The following MARCHF4 variants were observed in gnomAD, a reference collection of about 807,000 sequenced individuals.
MARCHF4 encodes the protein E3 ubiquitin-protein ligase MARCHF4.
Under a neutral mutation model 43.9 loss-of-function variants are expected in MARCHF4, and 14 were observed. The ratio of observed to expected loss-of-function variants is 0.32; its 90% CI spans 0.21 to 0.50. The LOEUF (loss-of-function observed/expected upper bound fraction) is 0.50, where lower values mean the gene tolerates loss of function less well. Among genes scored for constraint, MARCHF4 ranks in the 20% least tolerant of loss-of-function variants. The pLI is 0.98. For synonymous variants in MARCHF4, 226 were observed against 213.3 expected, an observed-to-expected ratio of 1.06 and a Z score of -0.52; for missense variants, 468 against 536.7, an observed-to-expected ratio of 0.87 and a Z score of 1.27.
chr2:216,326,850 T>A (rs1015058521), intron 1 of MARCHF4, among the ~76,000 whole-genome samples: 1 of 151,096 alleles, frequency 6.6e-6, no homozygotes, highest in Non-Finnish European at 1.5e-5. Context: ...TTGGGAGATA[T>A]ACCTAATGCT....
chr2:216,350,454 C>T (rs1692387810), intron 1 of MARCHF4, among the ~76,000 whole-genome samples: 1 of 151,626 alleles, frequency 6.6e-6, no homozygotes, highest in Non-Finnish European at 1.5e-5. Context: ...CTATGCCACA[C>T]TACCTTGCTT....
chr2:216,301,379 G>A (rs1443555743), intron 1 of MARCHF4, among the ~76,000 whole-genome samples: 2 of 152,150 alleles, frequency 1.3e-5, no homozygotes. Flanking sequence ...TCTCATCTCT[G>A]TGCTTCCCCC....
intron 1 of MARCHF4, among the ~76,000 whole-genome samples, chr2:216,314,037 T>C (rs887425410): frequency 6.6e-6 from 1 of 152,164 alleles, no homozygotes; most frequent in African/African-American, 2.4e-5. Flanking sequence ...CAGTGCCAGG[T>C]GAAAGGGGAT....
At chr2:216,337,897 G>A (rs1161284134) in intron 1 of MARCHF4, among the ~76,000 whole-genome samples, 4 of 152,172 alleles carry the variant, frequency 2.6e-5, no homozygotes. Flanking sequence ...GACACCAAAA[G>A]GAGGAAGACA....
In MARCHF4 at chr2:216,372,314, G is replaced by GGCCGCCGCTGCT. The variant is rs1476310856; in HGVS notation, c.-2066_-2055dup. Among the ~76,000 whole-genome samples the GGCCGCCGCTGCT allele has an allele frequency of 6.6e-6, 1 of 152,156 alleles. No individual in the cohort carries two copies. Among genetic ancestry groups the GGCCGCCGCTGCT allele is most frequent in the Non-Finnish European group, 1.5e-5 (1 of 68,032 alleles). ...CGGCTATCTCCGCCGCCGGCGCCGC[G>GGCCGCCGCTGCT]GCCGCCGCTGCTGCATTCAGCACCC... On this transcript the variant is annotated 5_prime_UTR_variant, in exon 1 of 4. Transcript: ENST00000273067.
Position 216,304,679 on chromosome 2 carries a change from T to C in MARCHF4, c.517-20950A>G, listed in dbSNP as rs148290113. ...TAAATCTCCATCAGTCAAGTCTGTC[T>C]GAGACCCTAGGGCAATGTAGAAAAC... On this transcript the variant is annotated intron_variant, in intron 1 of 3. Coordinates refer to ENST00000273067, the MANE Select transcript of MARCHF4 (RefSeq NM_020814.3). Among the ~76,000 whole-genome samples, 389 of 152,320 alleles carry C rather than the reference T, an allele frequency of 2.6e-3. 1 individual carries two copies. The highest frequency in any genetic ancestry group is 9.0e-3 in the African/African-American group (375 of 41,572).
intron 1 of MARCHF4, among the ~76,000 whole-genome samples, chr2:216,322,069 G>A (rs916268767): frequency 1.3e-5 from 2 of 152,194 alleles, no homozygotes; most frequent in Non-Finnish European, 2.9e-5. Context: ...CGCAAGCATT[G>A]TGCACAATGA....
At chr2:216,282,473 C>T (rs55891721) in intron 2 of MARCHF4, among the ~76,000 whole-genome samples, 26,860 of 151,946 alleles carry the variant, frequency 0.18, 4,891 homozygotes, top group African/African-American at 0.47. Flanking sequence ...GGACTCCCCC[C>T]TCCACCACCA....
At chr2:216,344,175 C>T (rs879485667) in intron 1 of MARCHF4, among the ~76,000 whole-genome samples, 3 of 152,112 alleles carry the variant, frequency 2.0e-5, no homozygotes, top group Non-Finnish European at 4.4e-5. Flanking sequence ...CCCAGCTTGG[C>T]AGTACAGAAA....
intron 2 of MARCHF4, 118 bp from the exon 3 acceptor site, chr2:216,277,982 T>C: frequency 1.1e-6 from 1 of 918,274 alleles, no homozygotes; most frequent in Admixed American, 2.9e-5. Flanking sequence ...GCCAGGGCTT[T>C]CCAACCTGTG....
At chr2:216,321,344 C>A (rs924983179) in intron 1 of MARCHF4, among the ~76,000 whole-genome samples, 1 of 152,196 alleles carries the variant, frequency 6.6e-6, no homozygotes, top group South Asian at 2.1e-4. Context: ...GATATATATA[C>A]AATTAACATA....
At chr2:216,301,609 G>A (rs1180543649) in intron 1 of MARCHF4, among the ~76,000 whole-genome samples, 1 of 152,204 alleles carries the variant, frequency 6.6e-6, no homozygotes, top group Non-Finnish European at 1.5e-5. Flanking sequence ...TATGCTTAGG[G>A]AAAAGTTGTT....
intron 1 of MARCHF4, among the ~76,000 whole-genome samples, chr2:216,323,756 T>C (rs1333119114): frequency 1.3e-5 from 2 of 152,124 alleles, no homozygotes; most frequent in Non-Finnish European, 2.9e-5. Flanking sequence ...AGATGTTCTT[T>C]GAAACCAACG....
intron 1 of MARCHF4, among the ~76,000 whole-genome samples, chr2:216,324,731 T>C (rs1470051402): frequency 6.7e-4 from 90 of 135,220 alleles, no homozygotes; most frequent in East Asian, 9.2e-4. Context: ...ATTATCTCAA[T>C]AGATGCAGAA....
chr2:216,282,449 C>A lies in MARCHF4; in HGVS notation c.672+1125G>T, dbSNP rs990746089. Among the ~76,000 whole-genome samples, 62 of 152,234 alleles carry A rather than the reference C, an allele frequency of 4.1e-4. 1 individual carries two copies. Among genetic ancestry groups the A allele is most frequent in the Admixed American group, 1.0e-3 (16 of 15,290 alleles). On this transcript the variant is annotated intron_variant, in intron 2 of 3. Coordinates refer to ENST00000273067, the MANE Select transcript of MARCHF4 (RefSeq NM_020814.3). Reference sequence around the variant, plus strand: ...CCATCCCTCCCAACCCCCATTACCCCTCCTGGGCTTTCAGGACTCCCCCCT... The same window carrying A: ...CCATCCCTCCCAACCCCCATTACCCATCCTGGGCTTTCAGGACTCCCCCCT...
intron 2 of MARCHF4, among the ~76,000 whole-genome samples, chr2:216,279,197 G>C (rs1487070653): frequency 6.6e-6 from 1 of 152,244 alleles, no homozygotes; most frequent in Non-Finnish European, 1.5e-5. Flanking sequence ...ACTAGGCAAA[G>C]AAAGGAGGGA....
At chr2:216,274,444 G>A (rs75528744) in intron 3 of MARCHF4, among the ~76,000 whole-genome samples, 1,636 of 152,308 alleles carry the variant, frequency 0.011, 31 homozygotes, top group African/African-American at 0.037. Flanking sequence ...TCCCTCCAGA[G>A]AGCCCTTAAA....
At chr2:216,363,415 G>A (rs1207129811) in intron 1 of MARCHF4, among the ~76,000 whole-genome samples, 2 of 152,216 alleles carry the variant, frequency 1.3e-5, no homozygotes, top group Admixed American at 6.5e-5. Flanking sequence ...TGTTGTATCC[G>A]TGCTTATGCG....
intron 1 of MARCHF4, among the ~76,000 whole-genome samples, chr2:216,360,696 A>T (rs1374833983): frequency 6.6e-6 from 1 of 152,170 alleles, no homozygotes; most frequent in East Asian, 1.9e-4. Flanking sequence ...GTCACTATAT[A>T]TTGGTCAAAA....
Sources: gnomAD v4.1 joint callset for allele counts (sites outside exome capture counted in the v4.1 genomes callset) on GRCh38, gnomAD v4.1.1 for gene constraint, MANE v1.5 for transcripts, NCBI Gene and HGNC (gene_info 2026-07-23, HGNC 2026-07-21) for gene names.